Variants in DPH6 observed in about 807,000 individuals in gnomAD.
DPH6 encodes diphthine--ammonia ligase.
A neutral mutation model predicts 38.2 loss-of-function variants in DPH6; 33 were observed. The observed-to-expected ratio is 0.86, with a 90% CI of 0.65 to 1.15. DPH6 has a LOEUF of 1.15. DPH6 is among the 50% of genes most tolerant of loss of function. DPH6 has a pLI of 0.00. For synonymous variants in DPH6, 108 were observed against 103.0 expected (o/e 1.05, Z -0.30); for missense variants, 325 against 320.0 (o/e 1.02, Z -0.12).
chr15:35,529,344 T>C (rs1193151551), intron 3 of DPH6, among the ~76,000 whole-genome samples: 3 of 151,996 alleles, frequency 2.0e-5, no homozygotes, highest in Non-Finnish European at 4.4e-5. Flanking sequence ...TGCTAAACAC[T>C]TTCAAACAAC....
chr15:35,149,597 T>G, the DPH6 span, among the ~76,000 whole-genome samples: 1 of 152,194 alleles, frequency 6.6e-6, no homozygotes, highest in African/African-American at 2.4e-5. Flanking sequence ...CCTTCCTCAC[T>G]GCCTGACTGC....
At chr15:35,308,679 T>G (rs2052114472) in intron 3 of DPH6, among the ~76,000 whole-genome samples, 1 of 152,162 alleles carries the variant, frequency 6.6e-6, no homozygotes, top group African/African-American at 2.4e-5. Flanking sequence ...GGAGCTGAGA[T>G]AGTTTGTATT....
intron 3 of DPH6, among the ~76,000 whole-genome samples, chr15:35,321,175 G>C (rs1358818841): frequency 6.6e-6 from 1 of 152,222 alleles, no homozygotes; most frequent in Non-Finnish European, 1.5e-5. Context: ...GTTTACAAAG[G>C]CAGTTTAGCT....
intron 3 of DPH6, among the ~76,000 whole-genome samples, chr15:35,463,878 A>G (rs895270057): frequency 6.6e-6 from 1 of 152,216 alleles, no homozygotes; most frequent in African/African-American, 2.4e-5. Flanking sequence ...GTAATTTTAA[A>G]AGTCCCACTT....
In DPH6 at chr15:35,259,876, T is replaced by C. The variant is rs186598331; in HGVS notation, n.201-39294A>G. Among the ~76,000 whole-genome samples, 16 of 152,166 alleles carry C rather than the reference T, an allele frequency of 1.1e-4. No individual in the cohort carries two copies. In the East Asian group the frequency reaches 3.1e-3, roughly 29 times the overall value. ...AAATTGGAAAGAAGCAGAGAGGGAG[T>C]CACTAGACTCAGCTCATAAATGATA... On this transcript the variant is annotated intron_variant and non_coding_transcript_variant, in intron 3 of 3. Coordinates refer to the DPH6 transcript ENST00000560386.
chr15:35,544,996 T>C (rs1273471313), intron 1 of DPH6, among the ~76,000 whole-genome samples: 1 of 152,244 alleles, frequency 6.6e-6, no homozygotes, highest in Admixed American at 6.5e-5. Context: ...TGTGACATTA[T>C]GGTCTAGTCT....
At position 35,432,512 on chromosome 15, in the gene DPH6, T is replaced by C. The variant is rs185906484; in HGVS notation, c.505+18173A>G. On this transcript the variant is annotated intron_variant, in intron 5 of 8. Transcript: ENST00000256538. ...TGACAGAAATATCAAACTGAAAGCA[T>C]TTCCTACATCCCAGGGAGGGCAGAA... Among the ~76,000 whole-genome samples the C allele has an allele frequency of 4.5e-4, 68 of 152,248 alleles. No homozygotes were observed. The Middle Eastern group carries it at 0.01, about 23-fold the overall frequency.
At chr15:35,473,463 C>T (rs996078703) in intron 3 of DPH6, among the ~76,000 whole-genome samples, 1 of 133,842 alleles carries the variant, frequency 7.5e-6, no homozygotes, top group South Asian at 2.3e-4. Flanking sequence ...CAGCTTCATT[C>T]TCCTCTTCAA....
chr15:35,511,400 C>G (rs751191653), intron 3 of DPH6, among the ~76,000 whole-genome samples: 1 of 151,880 alleles, frequency 6.6e-6, no homozygotes, highest in Non-Finnish European at 1.5e-5. Flanking sequence ...AATTCATTTA[C>G]ATGTGTATGT....
At chr15:35,236,659 A>C (rs1878015891) in intron 3 of DPH6, among the ~76,000 whole-genome samples, 1 of 152,004 alleles carries the variant, frequency 6.6e-6, no homozygotes, top group African/African-American at 2.4e-5. Flanking sequence ...AAAAAAGAAA[A>C]AAAGAAAACT....
intron 3 of DPH6, among the ~76,000 whole-genome samples, chr15:35,514,564 T>C (rs1210697715): frequency 2.6e-5 from 4 of 152,160 alleles, no homozygotes; most frequent in East Asian, 3.8e-4. Flanking sequence ...ATACATTGAA[T>C]TGGAAGTTTG....
intron 6 of DPH6, among the ~76,000 whole-genome samples, chr15:35,391,759 G>A (rs1183466359): frequency 1.3e-5 from 2 of 152,166 alleles, no homozygotes; most frequent in Non-Finnish European, 2.9e-5. Flanking sequence ...CTTTGAGTAG[G>A]AAAGGGAATT....
chr15:35,153,269 T>G, the DPH6 span, among the ~76,000 whole-genome samples: 1 of 152,152 alleles, frequency 6.6e-6, no homozygotes, highest in Non-Finnish European at 1.5e-5. Context: ...GAAAAAAACC[T>G]GCCAACTTCT....
chr15:35,542,332 G>A (rs1044644210), intron 2 of DPH6, 81 bp downstream of exon 2: 7 of 1,149,230 alleles, frequency 6.1e-6, no homozygotes, highest in Non-Finnish European at 7.5e-6. Context: ...TTTCATCTTT[G>A]TACGGTATAC....
chr15:35,527,131 C>T (rs2055015371), intron 3 of DPH6, among the ~76,000 whole-genome samples: 1 of 152,098 alleles, frequency 6.6e-6, no homozygotes, highest in African/African-American at 2.4e-5. Context: ...ACACTCATCT[C>T]AATGCCCACT....
At chr15:35,308,544 T>C (rs551467651) in intron 3 of DPH6, among the ~76,000 whole-genome samples, 8 of 152,060 alleles carry the variant, frequency 5.3e-5, no homozygotes, top group African/African-American at 1.9e-4. Context: ...TTTAAGTGCC[T>C]GGTGGCCAAA....
At chr15:35,297,468 C>A (rs758925334) in intron 3 of DPH6, among the ~76,000 whole-genome samples, 9 of 152,026 alleles carry the variant, frequency 5.9e-5, no homozygotes, top group Non-Finnish European at 1.3e-4. Context: ...GTATTCAGAG[C>A]AGCATTTGTC....
intron 5 of DPH6, among the ~76,000 whole-genome samples, chr15:35,439,795 A>G (rs1307672562): frequency 6.6e-6 from 1 of 152,194 alleles, no homozygotes; most frequent in African/African-American, 2.4e-5. Flanking sequence ...GGAAAAAAAA[A>G]AAAGTCCTAT....
At chr15:35,464,207 T>C (rs1004910336) in intron 3 of DPH6, among the ~76,000 whole-genome samples, 5 of 151,190 alleles carry the variant, frequency 3.3e-5, no homozygotes, top group African/African-American at 1.2e-4. Context: ...GGCAGGAGAA[T>C]CACTTGAACC....
Sources: allele counts gnomAD v4.1 joint callset (sites outside exome capture counted in the v4.1 genomes callset), GRCh38; gene constraint gnomAD v4.1.1; transcripts MANE v1.5; gene names NCBI Gene and HGNC (gene_info 2026-07-23, HGNC 2026-07-21).